The following TTN variants were observed in gnomAD, a reference collection of about 807,000 sequenced individuals.
TTN encodes titin, also known as connectin.
In TTN, 1,525 loss-of-function variants were observed where a neutral mutation model predicts 3,223.0. The observed-to-expected ratio is 0.47, with a 90% CI of 0.45 to 0.49. The LOEUF (loss-of-function observed/expected upper bound fraction) is 0.49. Ranked by LOEUF, TTN falls within the 20% of genes least tolerant of loss-of-function variation. The pLI, the probability that TTN is intolerant of heterozygous loss-of-function variation, is 0.00. For synonymous variants in TTN, 14,094 were observed against 15,161.0 expected (o/e 0.93, Z 5.17); for missense variants, 40,786 against 43,424.0 (o/e 0.94, Z 5.40).
Position 178,710,905 on chromosome 2 carries a change from A to T in TTN, c.28192T>A (p.Phe9398Ile), listed in dbSNP as rs1299415103. ...LILTEGKNPP[F>I]FDIRLAPVDA... ...ACAGGGGCAAGACGGATGTCAAAGAAGGGTGGGTTCTTCCCCTCTAATAGT... is the reference window on the plus strand; with the variant it reads ...ACAGGGGCAAGACGGATGTCAAAGATGGGTGGGTTCTTCCCCTCTAATAGT... Residue 9398 changes from phenylalanine to isoleucine, a missense_variant, in exon 98 of 363, where the codon TTC becomes ATC. Transcript: ENST00000589042. The T allele has an allele frequency of 1.2e-6, 2 of 1,613,190 alleles. No homozygotes were observed. Among genetic ancestry groups the T allele is most frequent in the Non-Finnish European group, 1.7e-6 (2 of 1,179,286 alleles).
chr2:178,623,052 A>G (rs2058535595), intron 242 of TTN, among the ~76,000 whole-genome samples: 1 of 151,900 alleles, frequency 6.6e-6, no homozygotes, highest in South Asian at 2.1e-4. Context: ...TCTTTTGAAT[A>G]ATAGCTGGAG....
Position 178,604,848 on chromosome 2 carries a change from A to T in TTN, c.54241T>A (p.Ser18081Thr). 1 of 1,612,446 alleles carries T rather than the reference A, an allele frequency of 6.2e-7. No homozygotes were observed. The highest frequency in any genetic ancestry group is 1.3e-5 in the African/African-American group (1 of 74,932). Residue 18081 changes from serine to threonine, a missense_variant, in exon 281 of 363, where the codon TCT becomes ACT. By Grantham distance (58) the Ser-to-Thr change is moderately conservative. Transcript: ENST00000589042. Reference sequence around the variant, plus strand: ...GGGGCATCCCATGTCAAGTAGCAAGATTCAGCTTTAATGTCAGTAACAGCA... The same window carrying T: ...GGGGCATCCCATGTCAAGTAGCAAGTTTCAGCTTTAATGTCAGTAACAGCA... ...NLAVTDIKAE[S>T]CYLTWDAPLD...
chr2:178,704,084 C>T, intron 106 of TTN, 63 bp downstream of exon 106: 1 of 1,570,828 alleles, frequency 6.4e-7, no homozygotes, highest in Non-Finnish European at 8.6e-7. Context: ...TTGCAGGGGT[C>T]CTGCACAACA....
intron 294 of TTN, 142 bp from the exon 295 acceptor site, chr2:178,595,951 C>T: frequency 1.6e-6 from 1 of 616,126 alleles, no homozygotes; most frequent in South Asian, 2.4e-5. Flanking sequence ...GTTTTTCCTT[C>T]TGCTATCTAG....
In TTN at chr2:178,576,088, G is replaced by A. The variant is rs771534964; in HGVS notation, c.70044C>T (p.Ala23348=). 23 of 1,613,370 alleles carry A rather than the reference G, an allele frequency of 1.4e-5. 1 individual carries two copies. The South Asian group carries it at 1.5e-4, about 11-fold the overall frequency. Residue 23348 remains alanine (A), a synonymous_variant, in exon 326 of 363, where the codon GCC becomes GCT. Coordinates refer to ENST00000589042, the MANE Select transcript of TTN (RefSeq NM_001267550.2). The surrounding 1 kb of genome is among the most constrained non-coding windows in gnomAD (Gnocchi z 4.3). The part of the protein sequence containing the change: ...REMAPDFELD[A]ELRRTLVVRA... Reference sequence around the variant, plus strand: ...TAACAACAAGTGTTCTTCGAAGCTCGGCATCTAGTTCAAAATCAGGAGCCA... The same window carrying A: ...TAACAACAAGTGTTCTTCGAAGCTCAGCATCTAGTTCAAAATCAGGAGCCA...
In TTN at chr2:178,633,461, C is replaced by G. The variant is rs757079194; in HGVS notation, c.42898G>C (p.Val14300Leu). Residue 14300 changes from valine to leucine, a missense_variant, in exon 232 of 363, where the codon GTG becomes CTG. Transcript: ENST00000589042. ...KADLKDKGEY[V>L]CDCGTDKTKA... Reference sequence around the variant, plus strand: ...GTCTTGTCTGTGCCACAGTCACACACATATTCGCCTTTATCTTTAAGGTCC... The same window carrying G: ...GTCTTGTCTGTGCCACAGTCACACAGATATTCGCCTTTATCTTTAAGGTCC... 6.2e-7 allele frequency: 1 copy of G among 1,613,394 alleles called. No homozygotes were observed. The highest frequency in any genetic ancestry group is 8.5e-7 in the Non-Finnish European group (1 of 1,179,588).
Position 178,563,832 on chromosome 2 carries a change from G to A in TTN, c.82300C>T (p.Leu27434Phe), listed in dbSNP as rs777655678. 11 of 1,613,612 alleles carry A rather than the reference G, an allele frequency of 6.8e-6. No individual in the cohort carries two copies. Among genetic ancestry groups the A allele is most frequent in the Middle Eastern group, 1.6e-4 (1 of 6,082 alleles). ...VQALNYKVTK[L>F]LPGNEYIFRV... The stretch of plus-strand genomic sequence containing the variant: ...AAAATGTACTCATTACCAGGAAGAA[G>A]TTTAGTAACTTTGTAGTTAAGGGCC... Residue 27434 changes from leucine to phenylalanine, a missense_variant, in exon 326 of 363, where the codon CTT becomes TTT. By Grantham distance (22) the Leu-to-Phe change is conservative. Transcript: ENST00000589042. The surrounding 1 kb of genome is among the most constrained non-coding windows in gnomAD (Gnocchi z 4.5).
At position 178,777,992 on chromosome 2, in the gene TTN, C is replaced by T. The variant is rs373298221; in HGVS notation, c.4209-17G>A. 93 of 1,612,054 alleles carry T rather than the reference C, an allele frequency of 5.8e-5. No homozygotes were observed. The highest frequency in any genetic ancestry group is 7.5e-5 in the Non-Finnish European group (89 of 1,179,266). ...GAGAGAGATCTGCAAAACAAAGACA[C>T]ACAATACTTTCGTGAGGCATAAAGA... On this transcript the variant is annotated splice_polypyrimidine_tract_variant and intron_variant, in intron 24 of 362. Transcript: ENST00000589042.
At chr2:178,685,173 T>C (rs1218171670) in intron 129 of TTN, 80 bp downstream of exon 129, 17 of 1,312,268 alleles carry the variant, frequency 1.3e-5, no homozygotes, top group Non-Finnish European at 1.8e-5. Flanking sequence ...TTGTTATGCA[T>C]AAGACAGTTA....
rs397517822 is a variant in TTN at position 178,746,009 on chromosome 2, CAGAT to C, written c.11312-4092_11312-4089del. 2 of 1,613,238 alleles carry C rather than the reference CAGAT, an allele frequency of 1.2e-6. No individual in the cohort carries two copies. Among genetic ancestry groups the C allele is most frequent in the East Asian group, 2.2e-5 (1 of 44,848 alleles). ...ATCTCCCATGGTGAGGAATCCCCGA[CAGAT>C]AGCCTCTCCTACACAATTCACAGCT... On this transcript the variant is annotated intron_variant, in intron 47 of 362. Coordinates refer to ENST00000589042, the MANE Select transcript of TTN (RefSeq NM_001267550.2).
Position 178,671,111 on chromosome 2 carries a change from G to C in TTN, c.35287C>G (p.Arg11763Gly). The C allele has an allele frequency of 6.2e-7, 1 of 1,605,724 alleles. No homozygotes were observed. The highest frequency in any genetic ancestry group is 1.1e-5 in the South Asian group (1 of 89,544). ...ATACCTTTAGCTGGTGGCTCTTTTCGAGGAACAACTTTAGTGGGCGGTTTT... is the reference window on the plus strand; with the variant it reads ...ATACCTTTAGCTGGTGGCTCTTTTCCAGGAACAACTTTAGTGGGCGGTTTT... ...PKKPPTKVVP[R>G]KEPPAKVPEV... The change falls in exon 156 of 363, where the codon CGA becomes GGA. Residue 11763 changes from arginine to glycine, a missense_variant. By Grantham distance (125) the Arg-to-Gly change is moderately radical. Coordinates refer to ENST00000589042, the MANE Select transcript of TTN (RefSeq NM_001267550.2).
intron 273 of TTN, 91 bp from the exon 274 acceptor site, chr2:178,608,999 T>C (rs2055621751): frequency 1.3e-6 from 2 of 1,483,350 alleles, no homozygotes; most frequent in Admixed American, 4.4e-5. Context: ...TCTGACATGA[T>C]TTGTGGTTTT....
rs1237967210 is a variant in TTN at position 178,635,310 on chromosome 2, T to C, written c.41885-6A>G. On this transcript the variant is annotated splice_polypyrimidine_tract_variant and splice_region_variant and intron_variant, in intron 227 of 362. Transcript: ENST00000589042. ...AAGCAGTTCAACTTCACGCTCTGTATTGGTCAGGGATGAAGTAACATAATG... is the reference window on the plus strand; with the variant it reads ...AAGCAGTTCAACTTCACGCTCTGTACTGGTCAGGGATGAAGTAACATAATG... 3 of 1,612,874 alleles carry C rather than the reference T, an allele frequency of 1.9e-6. No homozygotes were observed. The highest frequency in any genetic ancestry group is 2.5e-6 in the Non-Finnish European group (3 of 1,179,432).
Position 178,678,114 on chromosome 2 carries a change from G to T in TTN, c.33994+11C>A, listed in dbSNP as rs749996782. 6.2e-7 allele frequency: 1 copy of T among 1,606,640 alleles called. No homozygotes were observed. On this transcript the variant is annotated intron_variant, in intron 145 of 362. Transcript: ENST00000589042. ...TGTCTTTTACCATGGCTCTGTTACA[G>T]ATTAATGTACCTTTGGGTGGTGGTG...
intron 138 of TTN, 110 bp downstream of exon 138, chr2:178,680,969 T>C: frequency 2.0e-6 from 2 of 979,284 alleles, no homozygotes; most frequent in Middle Eastern, 4.5e-4. Context: ...AACATTCTGC[T>C]GACAACTAAT....
chr2:178,757,178 A>AAGTACAGTAAGTAATACTGTACCTG (rs1561093680), intron 45 of TTN, among the ~76,000 whole-genome samples: 1 of 90,554 alleles, frequency 1.1e-5, no homozygotes, highest in African/African-American at 4.6e-5. Context: ...TACTGTACTT[A>AAGTACAGTAAGTAATACTGTACCTG]CTTTAAGTAC....
At chr2:178,606,591 A>G (rs1457912984) in intron 278 of TTN, among the ~76,000 whole-genome samples, 2 of 151,886 alleles carry the variant, frequency 1.3e-5, no homozygotes, top group African/African-American at 4.8e-5. Flanking sequence ...TCCTTCCAGT[A>G]TGGGGACTTT....
Position 178,679,944 on chromosome 2 carries a change from T to A in TTN, c.33530A>T (p.Glu11177Val), listed in dbSNP as rs1158933007. 1 of 1,613,236 alleles carries A rather than the reference T, an allele frequency of 6.2e-7. No homozygotes were observed. Among genetic ancestry groups the A allele is most frequent in the Admixed American group, 1.7e-5 (1 of 59,904 alleles). The change falls in exon 140 of 363, where the codon GAA becomes GTA. Residue 11177 changes from glutamate to valine, a missense_variant. Coordinates refer to ENST00000589042, the MANE Select transcript of TTN (RefSeq NM_001267550.2). ...TTCTTCCTCAGTTATGAACTCCTCT[T>A]CTTCATGAATGTACTCTTCTTCTTC... is the stretch of plus-strand genomic sequence containing the variant. ...VEEEEEYIHE[E>V]EEFITEEEVV...
chr2:178,730,278 A>T lies in TTN; in HGVS notation c.18122T>A (p.Met6041Lys). The T allele has an allele frequency of 1.2e-6, 2 of 1,612,818 alleles. No homozygotes were observed. The highest frequency in any genetic ancestry group is 1.1e-5 in the South Asian group (1 of 90,936). ...LKALVGGTAPMTIKWFKDNKE... is the reference protein window; with the variant it reads ...LKALVGGTAPKTIKWFKDNKE... Reference sequence around the variant, plus strand: ...GTTATCTTTAAACCACTTTATTGTCATGGGTGCAGTGCCACCCACAAGAGC... The same window carrying T: ...GTTATCTTTAAACCACTTTATTGTCTTGGGTGCAGTGCCACCCACAAGAGC... Residue 6041 changes from methionine (M) to lysine (K), a missense_variant, in exon 62 of 363, where the codon ATG (methionine) becomes AAG (lysine). Met to Lys is a moderately conservative substitution (Grantham distance 95). Coordinates refer to ENST00000589042, the MANE Select transcript of TTN (RefSeq NM_001267550.2).
Sources: gnomAD v4.1 joint callset for allele counts (sites outside exome capture counted in the v4.1 genomes callset) on GRCh38, gnomAD v4.1.1 for gene constraint, Gnocchi (gnomAD v3.1) non-coding constraint, MANE v1.5 for transcripts, NCBI Gene and HGNC (gene_info 2026-07-23, HGNC 2026-07-21) for gene names.